Variants in CHLSN observed in about 807,000 individuals in gnomAD.
CHLSN encodes the protein cholesin, also known as protein cholesin.
chr7:985,014 C>T, the CHLSN span: 1 of 1,611,928 alleles, frequency 6.2e-7, no homozygotes, highest in Middle Eastern at 1.7e-4. Context: ...GTGCCCTGCA[C>T]AGCCTGGGCG....
the CHLSN span, among the ~76,000 whole-genome samples, chr7:1,136,311 T>C: frequency 8.6e-6 from 1 of 116,818 alleles, no homozygotes; most frequent in Non-Finnish European, 1.6e-5. Flanking sequence ...TATATAAATA[T>C]ATATAAACAT....
the CHLSN span, among the ~76,000 whole-genome samples, chr7:1,094,099 T>C: frequency 4.6e-5 from 7 of 152,228 alleles, no homozygotes; most frequent in Non-Finnish European, 1.5e-5. Context: ...CTGTGCGACC[T>C]AAGCTGCCTT....
the CHLSN span, among the ~76,000 whole-genome samples, chr7:1,011,027 G>A: frequency 1.3e-5 from 2 of 151,396 alleles, no homozygotes; most frequent in Non-Finnish European, 2.9e-5. Context: ...AAAGAAGAGT[G>A]AGGCAAGCCC....
the CHLSN span, among the ~76,000 whole-genome samples, chr7:1,002,735 T>C: frequency 2.3e-5 from 2 of 85,418 alleles, no homozygotes; most frequent in Non-Finnish European, 2.2e-5. Flanking sequence ...GTGAGTGGAA[T>C]CCTGTGGGTG....
the CHLSN span, among the ~76,000 whole-genome samples, chr7:1,040,873 G>A: frequency 7.2e-5 from 11 of 152,222 alleles, no homozygotes; most frequent in Non-Finnish European, 1.2e-4. Flanking sequence ...GGCGCAGCTC[G>A]GAGCAGGGCT....
the CHLSN span, among the ~76,000 whole-genome samples, chr7:1,107,889 G>A: frequency 4.9e-5 from 7 of 143,654 alleles, no homozygotes; most frequent in Non-Finnish European, 7.6e-5. Flanking sequence ...CTGGAGACCC[G>A]CACCCCGGGA....
the CHLSN span, among the ~76,000 whole-genome samples, chr7:1,041,320 G>A: frequency 9.3e-4 from 102 of 109,248 alleles, 1 homozygote; most frequent in Admixed American, 3.2e-3. Context: ...TCCGCGCTGC[G>A]GGGAAGGGGG....
chr7:1,120,172 T>A, the CHLSN span, among the ~76,000 whole-genome samples: 68 of 152,264 alleles, frequency 4.5e-4, no homozygotes, highest in African/African-American at 1.5e-3. Context: ...AAAAAGCTGT[T>A]TTTTAAAACC....
the CHLSN span, among the ~76,000 whole-genome samples, chr7:1,108,321 C>T: frequency 7.0e-6 from 1 of 143,404 alleles, no homozygotes; most frequent in South Asian, 2.2e-4. Context: ...ACTGGAGTCC[C>T]GCGCCCCGGG....
the CHLSN span, chr7:1,056,647 T>C: frequency 5.1e-4 from 77 of 152,386 alleles, no homozygotes; most frequent in African/African-American, 1.6e-3. Context: ...GGTCTTGCAG[T>C]GGCAGGACTC....
chr7:1,022,948 C>A, the CHLSN span: 2 of 467,456 alleles, frequency 4.3e-6, no homozygotes, highest in Non-Finnish European at 4.3e-6. Context: ...GACACTGGGG[C>A]AGGCGCCGGC....
chr7:1,002,798 G>A, the CHLSN span, among the ~76,000 whole-genome samples: 1 of 78,514 alleles, frequency 1.3e-5, no homozygotes, highest in Admixed American at 1.1e-4. Flanking sequence ...GTGGGTGAGT[G>A]GAGTCCTGTG....
the CHLSN span, among the ~76,000 whole-genome samples, chr7:1,090,746 G>A: frequency 6.6e-6 from 1 of 152,226 alleles, no homozygotes; most frequent in African/African-American, 2.4e-5. Context: ...TTCTTCCTAG[G>A]TTACAAACAG....
the CHLSN span, among the ~76,000 whole-genome samples, chr7:995,975 C>G: frequency 2.6e-5 from 4 of 152,236 alleles, no homozygotes; most frequent in Non-Finnish European, 4.4e-5. Context: ...TCCTTAGGGT[C>G]TCCTCCGGCC....
At chr7:1,050,369 G>A in the CHLSN span, among the ~76,000 whole-genome samples, 4 of 152,344 alleles carry the variant, frequency 2.6e-5, no homozygotes, top group South Asian at 2.1e-4. Context: ...CACCTGCGGC[G>A]GGCACATCCA....
the CHLSN span, chr7:987,021 A>T: frequency 7.1e-7 from 1 of 1,414,348 alleles, no homozygotes; most frequent in Non-Finnish European, 9.2e-7. Flanking sequence ...CGGGGCATCC[A>T]TAGTGGAGCC....
At chr7:986,804 C>T in the CHLSN span, 152 of 1,541,462 alleles carry the variant, frequency 9.9e-5, no homozygotes, top group African/African-American at 3.9e-4. Flanking sequence ...ACAGGTGTGT[C>T]GGGACCCAAG....
the CHLSN span, among the ~76,000 whole-genome samples, chr7:1,072,482 C>T: frequency 1.3e-5 from 2 of 152,180 alleles, no homozygotes; most frequent in African/African-American, 4.8e-5. Flanking sequence ...TGCTTCTGCG[C>T]TTAGGCATAT....
chr7:978,777 C>T, the CHLSN span, among the ~76,000 whole-genome samples: 1 of 152,360 alleles, frequency 6.6e-6, no homozygotes, highest in Admixed American at 6.5e-5. Context: ...TCTGCCGCTG[C>T]ATAACAAAGC....
Sources: allele counts gnomAD v4.1 joint callset (sites outside exome capture counted in the v4.1 genomes callset), GRCh38; gene constraint gnomAD v4.1.1; transcripts MANE v1.5; gene names NCBI Gene and HGNC (gene_info 2026-07-23, HGNC 2026-07-21).